Variants in CCL26 observed in about 807,000 individuals in gnomAD.
CCL26 encodes C-C motif chemokine 26.
Under a neutral mutation model 10.7 loss-of-function variants are expected in CCL26, and 10 were observed. The ratio of observed to expected loss-of-function variants is 0.93; its 90% confidence interval spans 0.57 to 1.58. CCL26 has a LOEUF of 1.58. Among genes scored for constraint, CCL26 ranks in the 40% most tolerant of loss-of-function variants. The pLI, the probability that CCL26 is intolerant of heterozygous loss-of-function variation, is 0.00. For missense variants in CCL26, 116 were observed against 111.0 expected, an observed-to-expected ratio of 1.05 and a Z score of -0.20; for synonymous variants, 43 against 41.4, an observed-to-expected ratio of 1.04 and a Z score of -0.15.
Position 75,772,089 on chromosome 7 carries a change from G to A in CCL26, c.73+15C>T, listed in dbSNP as rs187727603. 16 of 1,601,136 alleles carry A rather than the reference G, an allele frequency of 1.0e-5. 1 individual carries two copies. The highest frequency in any genetic ancestry group is 5.4e-5 in the African/African-American group (4 of 74,694). ...CGGGAAGGAACCCCAGGAGGGGAAT[G>A]GGCCAGCTACGTACGTGTGGCAGTT... On this transcript the variant is annotated intron_variant, in intron 1 of 2. Transcript: ENST00000005180.
intron 1 of CCL26, among the ~76,000 whole-genome samples, chr7:75,778,179 C>T (rs1389347374): frequency 1.3e-5 from 2 of 152,072 alleles, no homozygotes; most frequent in Non-Finnish European, 2.9e-5. Context: ...TCGAGGGTTC[C>T]CTTGTCTCCA....
At chr7:75,774,722 A>G (rs1802897145), upstream of CCL26, among the ~76,000 whole-genome samples, 1 of 151,576 alleles carries the variant, frequency 6.6e-6, no homozygotes, top group Non-Finnish European at 1.5e-5. Flanking sequence ...CTGAAATTGC[A>G]GGTGTGAGCC....
rs781838946 is a variant in CCL26 at position 75,771,950 on chromosome 7, G to A, written c.127C>T (p.Pro43Ser). The A allele has an allele frequency of 6.8e-6, 11 of 1,614,032 alleles. No individual in the cohort carries two copies. The highest frequency in any genetic ancestry group is 1.6e-4 in the Middle Eastern group (1 of 6,084). ...CCFQYSHKPL[P>S]WTWVRSYEFT... The stretch of plus-strand genomic sequence containing the variant: ...TCATAGCTTCGCACCCAGGTCCAGG[G>A]AAGGGGCTTGTGGCTGTATTGGAAG... Residue 43 changes from proline to serine, a missense_variant, in exon 2 of 3, where the codon CCC (proline) becomes TCC (serine). Transcript: ENST00000005180.
chr7:75,784,821 A>G (rs1803147460), intron 1 of CCL26, among the ~76,000 whole-genome samples: 2 of 152,002 alleles, frequency 1.3e-5, no homozygotes, highest in South Asian at 2.1e-4. Flanking sequence ...AACCACAAGT[A>G]TAGGACACCT....
chr7:75,784,664 C>A, intron 1 of CCL26, among the ~76,000 whole-genome samples: 1 of 152,252 alleles, frequency 6.6e-6, no homozygotes, highest in East Asian at 1.9e-4. Context: ...GTTATCCCCA[C>A]CTGCCCAGCT....
upstream of CCL26, among the ~76,000 whole-genome samples, chr7:75,773,322 G>A (rs1554528374): frequency 6.6e-6 from 1 of 152,000 alleles, no homozygotes; most frequent in African/African-American, 2.4e-5. Flanking sequence ...TACTAGGGAG[G>A]CTGAGGCAGG....
chr7:75,771,320 A>G (rs988308071), intron 2 of CCL26, among the ~76,000 whole-genome samples: 10 of 152,184 alleles, frequency 6.6e-5, no homozygotes, highest in African/African-American at 2.4e-4. Context: ...TCATCACCCC[A>G]GAAAGGAACC....
chr7:75,771,131 C>T (rs1387481395), intron 2 of CCL26, among the ~76,000 whole-genome samples: 3 of 152,074 alleles, frequency 2.0e-5, no homozygotes, highest in South Asian at 4.1e-4. Flanking sequence ...GTTACCCAGG[C>T]TGGAGTGCAG....
At chr7:75,791,013 C>CTTTTTTTTTTTTTTTT (rs35608337), upstream of CCL26, among the ~76,000 whole-genome samples, 1 of 134,352 alleles carries the variant, frequency 7.4e-6, no homozygotes. Context: ...GAAACTCCTC[C>CTTTTTTTTTTTTTTTT]TTTTTTTTTT....
At chr7:75,790,427 A>C (rs1803308589), upstream of CCL26, among the ~76,000 whole-genome samples, 1 of 150,244 alleles carries the variant, frequency 6.7e-6, no homozygotes, top group African/African-American at 2.4e-5. Context: ...CTTAAAAAAA[A>C]AATTGTAGAG....
intron 1 of CCL26, among the ~76,000 whole-genome samples, chr7:75,777,445 G>A (rs1554528887): frequency 1.3e-5 from 2 of 151,980 alleles, no homozygotes; most frequent in African/African-American, 4.8e-5. Context: ...ACCTAATGCT[G>A]AGGGGAAAAA....
At chr7:75,787,309 C>T (rs554844943) in intron 1 of CCL26, among the ~76,000 whole-genome samples, 86 of 152,230 alleles carry the variant, frequency 5.6e-4, no homozygotes, top group Non-Finnish European at 1.0e-3. Context: ...TTACCATCCT[C>T]AATCTTCAGG....
At chr7:75,780,980 G>A (rs1430911301) in intron 1 of CCL26, among the ~76,000 whole-genome samples, 2 of 152,166 alleles carry the variant, frequency 1.3e-5, no homozygotes, top group African/African-American at 2.4e-5. Flanking sequence ...GCATAGTCAA[G>A]GTTAATGCTC....
chr7:75,776,366 C>G (rs1165282589), upstream of CCL26, among the ~76,000 whole-genome samples: 1 of 151,450 alleles, frequency 6.6e-6, no homozygotes, highest in African/African-American at 2.4e-5. Context: ...CCACCACACC[C>G]AGCCAAAAAA....
chr7:75,790,566 C>T (rs1803310662), upstream of CCL26, among the ~76,000 whole-genome samples: 1 of 151,986 alleles, frequency 6.6e-6, no homozygotes, highest in Admixed American at 6.6e-5. Flanking sequence ...TGCCTGGCCT[C>T]TTATGGATGT....
intron 1 of CCL26, among the ~76,000 whole-genome samples, chr7:75,785,991 G>A (rs934015276): frequency 6.6e-5 from 10 of 151,932 alleles, no homozygotes; most frequent in Non-Finnish European, 1.2e-4. Flanking sequence ...CCTCAAAATC[G>A]CAAACTATGC....
At chr7:75,781,147 T>A (rs1803051771) in intron 1 of CCL26, among the ~76,000 whole-genome samples, 1 of 152,170 alleles carries the variant, frequency 6.6e-6, no homozygotes, top group African/African-American at 2.4e-5. Flanking sequence ...TATTCTCAAT[T>A]TACATTTTAT....
intron 2 of CCL26, among the ~76,000 whole-genome samples, chr7:75,771,020 A>G (rs187118384): frequency 5.1e-4 from 78 of 152,286 alleles, no homozygotes; most frequent in Admixed American, 4.5e-3. Context: ...ATTCAGGGGA[A>G]ATTGTATGCC....
At chr7:75,778,618 G>C (rs1279229246) in intron 1 of CCL26, among the ~76,000 whole-genome samples, 5 of 146,472 alleles carry the variant, frequency 3.4e-5, no homozygotes, top group Admixed American at 1.4e-4. Flanking sequence ...TCTATTAAGG[G>C]TTCTTTGCAC....
Sources: allele counts gnomAD v4.1 joint callset (sites outside exome capture counted in the v4.1 genomes callset), GRCh38; gene constraint gnomAD v4.1.1; transcripts MANE v1.5; gene names NCBI Gene and HGNC (gene_info 2026-07-23, HGNC 2026-07-21).